DHX15: variants seen among roughly 807,000 people sequenced by gnomAD.
DHX15 encodes ATP-dependent RNA helicase DHX15.
In DHX15, 11 loss-of-function variants were observed where a neutral mutation model predicts 94.4. That is an observed-to-expected ratio of 0.12 (90% CI 0.07 to 0.19). The LOEUF (loss-of-function observed/expected upper bound fraction) is 0.19. Ranked by LOEUF, DHX15 falls within the 10% of genes least tolerant of loss-of-function variation. DHX15 has a pLI of 1.00. For synonymous variants in DHX15, 338 were observed against 329.9 expected, an observed-to-expected ratio of 1.02 and a Z score of -0.27; for missense variants, 304 against 988.5, an observed-to-expected ratio of 0.31 and a Z score of 9.29.
At chr4:24,569,739 GAGA>G (rs1397878499) in intron 3 of DHX15, among the ~76,000 whole-genome samples, 1 of 152,064 alleles carries the variant, frequency 6.6e-6, no homozygotes, top group East Asian at 1.9e-4. Context: ...AAACCTCAGG[GAGA>G]AGATCACATA....
At chr4:24,548,044 G>A (rs1377301338) in intron 6 of DHX15, among the ~76,000 whole-genome samples, 6 of 149,714 alleles carry the variant, frequency 4.0e-5, no homozygotes, top group African/African-American at 1.5e-4. Context: ...CTCAGAAATA[G>A]GGCTGAAATA....
At chr4:24,528,822 C>T (rs1577329781) in intron 13 of DHX15, among the ~76,000 whole-genome samples, 1 of 151,830 alleles carries the variant, frequency 6.6e-6, no homozygotes, top group African/African-American at 2.4e-5. Flanking sequence ...ATTTTTATGC[C>T]TGCACAGTTC....
chr4:24,536,150 T>A (rs541699818), intron 11 of DHX15, among the ~76,000 whole-genome samples: 1 of 152,320 alleles, frequency 6.6e-6, no homozygotes, highest in African/African-American at 2.4e-5. Flanking sequence ...TGTTTCCTCA[T>A]TTACAAGTCA....
rs150191377 is a variant in DHX15 at position 24,576,396 on chromosome 4, G to A, written c.354C>T (p.Phe118=). The A allele has an allele frequency of 3.5e-3, 5,687 of 1,614,192 alleles. 29 individuals are homozygous for A. The highest frequency in any genetic ancestry group is 8.4e-3 in the South Asian group (766 of 91,086). ...HTSLPQCINP[F]TNLPHTPRYY... ...ATCGAGGAGTATGGGGTAAGTTGGT[G>A]AACGGATTAATGCACTGTGGAAGTG... The change falls in exon 2 of 14, where the codon TTC becomes TTT. Residue 118 remains phenylalanine, a synonymous_variant. Transcript: ENST00000336812.
In DHX15 at chr4:24,540,322, T is replaced by A. The variant is rs538894078; in HGVS notation, c.1595-23A>T. ...GAGCTAGTGGTAAAAGACAATCTAT[T>A]AGACACGGTGCCTTAAGCAAGCAAA... On this transcript the variant is annotated intron_variant, in intron 9 of 13. Transcript: ENST00000336812. 7 of 1,592,466 alleles carry A rather than the reference T, an allele frequency of 4.4e-6. No individual in the cohort carries two copies. In the African/African-American group the frequency reaches 9.5e-5, roughly 22 times the overall value.
intron 1 of DHX15, among the ~76,000 whole-genome samples, chr4:24,583,637 C>A (rs1358380200): frequency 2.0e-5 from 3 of 152,140 alleles, no homozygotes; most frequent in African/African-American, 7.2e-5. Context: ...ACGCTCTCTC[C>A]CGCCAAACTA....
At chr4:24,550,015 C>G (rs1231859954) in intron 5 of DHX15, among the ~76,000 whole-genome samples, 1 of 143,334 alleles carries the variant, frequency 7.0e-6, no homozygotes, top group Non-Finnish European at 1.5e-5. Flanking sequence ...ATCGCTTGAA[C>G]CCGGGACGCA....
intron 5 of DHX15, among the ~76,000 whole-genome samples, chr4:24,549,705 G>C (rs1372607593): frequency 6.6e-6 from 1 of 152,148 alleles, no homozygotes; most frequent in East Asian, 1.9e-4. Context: ...ACAAACCTGA[G>C]GAGCATGTTA....
At chr4:24,538,875 G>A (rs1721251284) in intron 10 of DHX15, 1 of 152,038 alleles carries the variant, frequency 6.6e-6, no homozygotes, top group Non-Finnish European at 1.5e-5. Flanking sequence ...AGAACCTAGA[G>A]AAATAAAAAC....
At chr4:24,556,516 C>T in intron 3 of DHX15, 106 bp from the exon 4 acceptor site, 6 of 943,822 alleles carry the variant, frequency 6.4e-6, no homozygotes, top group Non-Finnish European at 9.3e-6. Flanking sequence ...TAAAAATAAA[C>T]TTCTGCCCCA....
chr4:24,554,319 G>A (rs1220164274), intron 5 of DHX15, among the ~76,000 whole-genome samples: 1 of 152,198 alleles, frequency 6.6e-6, no homozygotes, highest in African/African-American at 2.4e-5. Context: ...GAGCATATGG[G>A]AAGACAAAAC....
chr4:24,552,914 G>T (rs930199652), intron 5 of DHX15, among the ~76,000 whole-genome samples: 1 of 152,202 alleles, frequency 6.6e-6, no homozygotes, highest in African/African-American at 2.4e-5. Flanking sequence ...GCACAAAGTT[G>T]TCTCAGAGAA....
At chr4:24,568,504 T>C (rs2088994157) in intron 3 of DHX15, among the ~76,000 whole-genome samples, 1 of 152,188 alleles carries the variant, frequency 6.6e-6, no homozygotes, top group African/African-American at 2.4e-5. Flanking sequence ...ATGCCAAAAA[T>C]ACTTCATTTG....
chr4:24,528,530 C>T (rs1392767958), intron 13 of DHX15, among the ~76,000 whole-genome samples: 1 of 152,096 alleles, frequency 6.6e-6, no homozygotes, highest in East Asian at 1.9e-4. Flanking sequence ...CTCAACAAAG[C>T]GTTTAAGATA....
At chr4:24,542,860 T>C (rs1721344696) in intron 7 of DHX15, 80 bp downstream of exon 7, 2 of 1,017,500 alleles carry the variant, frequency 2.0e-6, no homozygotes, top group African/African-American at 1.6e-5. Flanking sequence ...TTCTGAAAGG[T>C]AAATTTTAGC....
intron 3 of DHX15, among the ~76,000 whole-genome samples, chr4:24,567,561 A>G (rs1023181152): frequency 1.3e-5 from 2 of 151,252 alleles, no homozygotes; most frequent in Admixed American, 6.6e-5. Context: ...TGGGCGACAG[A>G]GCAAGACTCC....
chr4:24,570,466 T>G (rs1722098601), intron 3 of DHX15, among the ~76,000 whole-genome samples, 188 bp downstream of exon 3: 2 of 152,126 alleles, frequency 1.3e-5, no homozygotes, highest in South Asian at 4.1e-4. Flanking sequence ...GAACTTCAAT[T>G]TCTACCAAGT....
intron 3 of DHX15, among the ~76,000 whole-genome samples, chr4:24,567,983 A>G (rs1323223115): frequency 6.6e-6 from 1 of 152,238 alleles, no homozygotes; most frequent in Non-Finnish European, 1.5e-5. Context: ...ACCAGATCCA[A>G]TCTTCCGAAA....
At chr4:24,534,772 G>A (rs1721160142) in intron 11 of DHX15, among the ~76,000 whole-genome samples, 1 of 152,012 alleles carries the variant, frequency 6.6e-6, no homozygotes, top group African/African-American at 2.4e-5. Context: ...ATCAACTATT[G>A]TCTCTAATGC....
Sources: gnomAD v4.1 joint callset for allele counts (sites outside exome capture counted in the v4.1 genomes callset) on GRCh38, gnomAD v4.1.1 for gene constraint, MANE v1.5 for transcripts, NCBI Gene and HGNC (gene_info 2026-07-23, HGNC 2026-07-21) for gene names.